The following PTPRO variants were observed in gnomAD, a reference collection of about 807,000 sequenced individuals.
The protein encoded by PTPRO is receptor-type tyrosine-protein phosphatase O.
PTPRO carries 62 observed loss-of-function variants against 145.2 expected under a neutral mutation model. The ratio of observed to expected loss-of-function variants is 0.43; its 90% CI spans 0.35 to 0.53. The LOEUF (loss-of-function observed/expected upper bound fraction) is 0.53. PTPRO is among the 20% of genes least tolerant of loss of function. The pLI is 0.01. For missense variants in PTPRO, 1,345 were observed against 1,482.7 expected (o/e 0.91, Z 1.53); for synonymous variants, 565 against 514.7 (o/e 1.10, Z -1.32).
intron 1 of PTPRO, among the ~76,000 whole-genome samples, chr12:15,361,683 T>C (rs970058477): frequency 1.1e-4 from 17 of 152,100 alleles, no homozygotes; most frequent in Non-Finnish European, 2.9e-5. Flanking sequence ...ACTAAATGAA[T>C]GAATGAATTT....
chr12:15,475,980 C>A (rs1175624103), intron 1 of PTPRO, among the ~76,000 whole-genome samples: 1 of 151,916 alleles, frequency 6.6e-6, no homozygotes, highest in Non-Finnish European at 1.5e-5. Flanking sequence ...TAAAGTCTGT[C>A]TACAGAGGAT....
intron 22 of PTPRO, among the ~76,000 whole-genome samples, chr12:15,581,405 G>A (rs771899669): frequency 2.7e-5 from 4 of 149,572 alleles, no homozygotes; most frequent in Non-Finnish European, 5.9e-5. Flanking sequence ...AGGTTCAAGC[G>A]ATTCTCCTGC....
At chr12:15,533,218 A>G (rs1485066974) in intron 12 of PTPRO, among the ~76,000 whole-genome samples, 1 of 152,180 alleles carries the variant, frequency 6.6e-6, no homozygotes, top group Non-Finnish European at 1.5e-5. Flanking sequence ...TAAACTTTAC[A>G]AGAAGGAAAG....
chr12:15,436,293 A>T (rs1202259670), intron 1 of PTPRO, among the ~76,000 whole-genome samples: 1 of 152,238 alleles, frequency 6.6e-6, no homozygotes, highest in Non-Finnish European at 1.5e-5. Flanking sequence ...TAACTGAAGG[A>T]AATAGAGACA....
intron 9 of PTPRO, 37 bp from the exon 10 acceptor site, chr12:15,520,164 A>G (rs751630415): frequency 2.1e-6 from 3 of 1,412,532 alleles, no homozygotes; most frequent in South Asian, 1.1e-5. Flanking sequence ...ACTTTCTCCC[A>G]CAGTCTTTTG....
intron 1 of PTPRO, among the ~76,000 whole-genome samples, chr12:15,400,094 G>A (rs1388854605): frequency 6.9e-6 from 1 of 145,106 alleles, no homozygotes; most frequent in Non-Finnish European, 1.5e-5. Context: ...GGGTTCAAGC[G>A]ATTCTCCTGC....
chr12:15,380,515 A>T (rs1268708009), intron 1 of PTPRO, among the ~76,000 whole-genome samples: 3 of 152,136 alleles, frequency 2.0e-5, no homozygotes, highest in Non-Finnish European at 2.9e-5. Flanking sequence ...ATTTTAAAAG[A>T]CATATTGGGC....
At chr12:15,528,277 G>GAGGC (rs1197230471) in intron 12 of PTPRO, among the ~76,000 whole-genome samples, 2 of 151,516 alleles carry the variant, frequency 1.3e-5, no homozygotes, top group Non-Finnish European at 2.9e-5. Flanking sequence ...AGCACTTTGG[G>GAGGC]AGGCCAAGGC....
rs558933559 is a variant in PTPRO, at chr12:15,399,043, A to G, written c.75+76242A>G. 2.6e-3 allele frequency among the ~76,000 whole-genome samples: 395 copies of G among 152,312 alleles called. 2 individuals are homozygous for G. The highest frequency in any genetic ancestry group is 9.0e-3 in the African/African-American group (373 of 41,566). ...AAGAAGGTGGTCGGACAGGATTTCC[A>G]AATTAGTTGAAATTGGCCCCAAATG... On this transcript the variant is annotated intron_variant, in intron 1 of 26. Transcript: ENST00000281171.
intron 18 of PTPRO, 91 bp downstream of exon 18, chr12:15,565,719 G>C: frequency 1.0e-6 from 1 of 992,386 alleles, no homozygotes; most frequent in Non-Finnish European, 1.6e-6. Context: ...AAAGAGAAGG[G>C]ACGCTTAAGA....
intron 1 of PTPRO, among the ~76,000 whole-genome samples, chr12:15,451,562 G>C (rs376969400): frequency 1.3e-5 from 2 of 152,036 alleles, no homozygotes; most frequent in South Asian, 4.1e-4. Flanking sequence ...ATCAGCACAT[G>C]GAACATTCTC....
chr12:15,489,113 G>A (rs184959472), intron 2 of PTPRO, among the ~76,000 whole-genome samples: 1 of 151,938 alleles, frequency 6.6e-6, no homozygotes, highest in Admixed American at 6.6e-5. Flanking sequence ...CCATGTCCTA[G>A]GTACCAAAGA....
chr12:15,507,600 G>A (rs192674018), intron 6 of PTPRO, among the ~76,000 whole-genome samples: 41 of 152,224 alleles, frequency 2.7e-4, no homozygotes, highest in East Asian at 2.3e-3. Context: ...AGAGAACTAC[G>A]GTAGCATCCT....
intron 2 of PTPRO, among the ~76,000 whole-genome samples, chr12:15,496,435 A>G (rs776473553): frequency 2.0e-5 from 3 of 151,946 alleles, no homozygotes; most frequent in African/African-American, 7.2e-5. Context: ...CCCAAACCAA[A>G]TTATTTAACA....
intron 19 of PTPRO, among the ~76,000 whole-genome samples, chr12:15,575,935 A>G (rs894386376): frequency 2.0e-5 from 3 of 152,142 alleles, no homozygotes; most frequent in Non-Finnish European, 4.4e-5. Flanking sequence ...CTCTAACTTA[A>G]TTACAACTGC....
At chr12:15,324,382 G>T (rs1390026481) in intron 1 of PTPRO, among the ~76,000 whole-genome samples, 2 of 152,138 alleles carry the variant, frequency 1.3e-5, no homozygotes, top group African/African-American at 2.4e-5. Flanking sequence ...TGGGGGTAAG[G>T]TTTTGCAATT....
At chr12:15,393,844 G>A (rs2136290086) in intron 1 of PTPRO, among the ~76,000 whole-genome samples, 1 of 152,234 alleles carries the variant, frequency 6.6e-6, no homozygotes, top group Admixed American at 6.5e-5. Flanking sequence ...AATTTTAGAA[G>A]CTAGGAAGTC....
At chr12:15,593,328 A>T (rs868384544) in intron 25 of PTPRO, among the ~76,000 whole-genome samples, 1 of 152,238 alleles carries the variant, frequency 6.6e-6, no homozygotes, top group Admixed American at 6.5e-5. Flanking sequence ...TTTTGACCGG[A>T]TCTCATTTAA....
At chr12:15,398,965 G>A (rs1375106470) in intron 1 of PTPRO, among the ~76,000 whole-genome samples, 2 of 152,042 alleles carry the variant, frequency 1.3e-5, no homozygotes, top group Non-Finnish European at 2.9e-5. Flanking sequence ...ATAGTTAGGG[G>A]TAAACTCCAC....
Sources: allele counts gnomAD v4.1 joint callset (sites outside exome capture counted in the v4.1 genomes callset), GRCh38; gene constraint gnomAD v4.1.1; transcripts MANE v1.5; gene names NCBI Gene and HGNC (gene_info 2026-07-23, HGNC 2026-07-21).